AJAP1: variants seen among roughly 807,000 people sequenced by gnomAD.
AJAP1 encodes the protein adherens junctions associated protein 1, also known as adherens junction-associated protein 1.
Under a neutral mutation model 35.0 loss-of-function variants are expected in AJAP1, and 5 were observed. The observed-to-expected ratio is 0.14, with a 90% CI of 0.07 to 0.30. The LOEUF is 0.30. Among genes scored for constraint, AJAP1 ranks in the 10% least tolerant of loss-of-function variants. The pLI is 1.00. For synonymous variants in AJAP1, 284 were observed against 249.3 expected (o/e 1.14, Z -1.31); for missense variants, 586 against 571.0 (o/e 1.03, Z -0.27).
chr1:4,733,715 G>T (rs575928014), intron 2 of AJAP1, among the ~76,000 whole-genome samples: 5 of 151,826 alleles, frequency 3.3e-5, no homozygotes, highest in Non-Finnish European at 5.9e-5. Context: ...CTCTGACCTG[G>T]TCCAGGACAG....
In AJAP1 at chr1:4,692,762, C is replaced by G. The variant is rs1639773261; in HGVS notation, c.30-19138C>G. ...GCACTCTGCTGTCCTCCCTCCAGGT[C>G]TTGTCAGCTGAAATGCCTGTTCCCT... is the stretch of plus-strand genomic sequence containing the variant. On this transcript the variant is annotated intron_variant, in intron 1 of 5. Transcript: ENST00000378191. This position sits in a 1 kb window ranked among gnomAD's most constrained non-coding sequence, Gnocchi z 4.4. Among the ~76,000 whole-genome samples the G allele has an allele frequency of 6.6e-6, 1 of 152,208 alleles. No individual in the cohort carries two copies. Among genetic ancestry groups the G allele is most frequent in the Non-Finnish European group, 1.5e-5 (1 of 68,044 alleles).
intron 2 of AJAP1, among the ~76,000 whole-genome samples, chr1:4,752,543 T>A (rs976764022): frequency 6.6e-6 from 1 of 152,090 alleles, no homozygotes; most frequent in Non-Finnish European, 1.5e-5. Flanking sequence ...AATAGTAGTA[T>A]CATATTATGG....
At chr1:4,722,022 G>A (rs1174047008) in intron 2 of AJAP1, among the ~76,000 whole-genome samples, 1 of 152,180 alleles carries the variant, frequency 6.6e-6, no homozygotes, top group Non-Finnish European at 1.5e-5. Context: ...TCAAAGGCTG[G>A]CCTCTGCATA....
intron 2 of AJAP1, among the ~76,000 whole-genome samples, chr1:4,748,116 T>C (rs1182842043): frequency 6.6e-6 from 1 of 151,672 alleles, no homozygotes; most frequent in Non-Finnish European, 1.5e-5. Flanking sequence ...AACCTGGCCA[T>C]CCCCTCACCT....
At chr1:4,686,070 G>C (rs1286729785) in intron 1 of AJAP1, among the ~76,000 whole-genome samples, 1 of 152,206 alleles carries the variant, frequency 6.6e-6, no homozygotes, top group Non-Finnish European at 1.5e-5. Context: ...CGGAGGTTTT[G>C]CCTGTGTATC....
rs2100384534 is a variant in AJAP1, at chr1:4,787,807, GC to G, written c.*5324del. On this transcript the variant is annotated 3_prime_UTR_variant, in exon 6 of 6. Transcript: ENST00000378191. ...CACGGGGCACGGGCACCTTGGGGAT[GC>G]CATTCTTCTTGGTGCCAGAAGGCAG... The G allele has an allele frequency of 2.2e-6, 1 of 453,448 alleles. No individual in the cohort carries two copies. The highest frequency in any genetic ancestry group is 2.4e-5 in the Admixed American group (1 of 42,410). 28.1% of individuals were successfully genotyped at this position (453,448 alleles called of 1,614,324 possible). A position where few individuals can be genotyped will look rare whatever the true frequency, so the allele number is the denominator to read the frequency against.
At chr1:4,685,899 G>A (rs1639593603) in intron 1 of AJAP1, among the ~76,000 whole-genome samples, 1 of 152,242 alleles carries the variant, frequency 6.6e-6, no homozygotes, top group South Asian at 2.1e-4. Context: ...GCAGCCCATT[G>A]TCAGGATTGG....
intron 1 of AJAP1, among the ~76,000 whole-genome samples, chr1:4,705,928 C>G (rs1226938910): frequency 6.6e-6 from 1 of 152,134 alleles, no homozygotes; most frequent in East Asian, 1.9e-4. Context: ...GGTTATGCAC[C>G]ATGACGCTGT....
intron 2 of AJAP1, among the ~76,000 whole-genome samples, chr1:4,744,396 C>A (rs113298349): frequency 3.3e-5 from 5 of 152,282 alleles, no homozygotes; most frequent in African/African-American, 1.2e-4. Flanking sequence ...ATCAGCAGAG[C>A]AATTATTAAA....
rs374389984 is a variant in AJAP1 at position 4,656,504 on chromosome 1, A to G, written c.29+1050A>G. 1.3e-5 allele frequency among the ~76,000 whole-genome samples: 2 copies of G among 152,202 alleles called. No individual in the cohort carries two copies. Among genetic ancestry groups the G allele is most frequent in the African/African-American group, 4.8e-5 (2 of 41,462 alleles). ...CTCCCGCGTTGGGGACGAAAAGGCC[A>G]GTAGTTGTTAGCCCGCTGCTTGAGC... On this transcript the variant is annotated intron_variant, in intron 1 of 5. Transcript: ENST00000378191. This position sits in a 1 kb window ranked among gnomAD's most constrained non-coding sequence, Gnocchi z 5.7.
At chr1:4,709,462 G>A (rs1263836600) in intron 1 of AJAP1, among the ~76,000 whole-genome samples, 3 of 151,874 alleles carry the variant, frequency 2.0e-5, no homozygotes, top group Non-Finnish European at 2.9e-5. Context: ...GCAGAGTCTG[G>A]TGAGGCCTGG....
intron 2 of AJAP1, among the ~76,000 whole-genome samples, chr1:4,727,790 G>A (rs1640700733): frequency 1.3e-5 from 2 of 152,222 alleles, no homozygotes; most frequent in Admixed American, 1.3e-4. Context: ...GGCCCATGTA[G>A]TGGGGGCTAG....
chr1:4,743,002 G>A (rs1400080216), intron 2 of AJAP1, among the ~76,000 whole-genome samples: 2 of 152,162 alleles, frequency 1.3e-5, no homozygotes, highest in African/African-American at 4.8e-5. Flanking sequence ...AGCATGTTCT[G>A]GAGAATACCC....
chr1:4,684,591 T>G (rs1460124473), intron 1 of AJAP1, among the ~76,000 whole-genome samples: 2 of 152,146 alleles, frequency 1.3e-5, no homozygotes, highest in East Asian at 3.9e-4. Flanking sequence ...CCATGGCCTT[T>G]CCTGGGTAGA....
At chr1:4,777,444 C>T (rs1217930772) in intron 5 of AJAP1, 1 of 152,196 alleles carries the variant, frequency 6.6e-6, no homozygotes, top group Admixed American at 6.5e-5. Context: ...GATGTGCACC[C>T]CAGATTCAGC....
In AJAP1 at chr1:4,791,446, A is replaced by G. The variant is rs1279772371; in HGVS notation, c.*8961A>G. ...TAATTCTGTAGAAACTGTTCACGAA[A>G]GGCTGAATGAGTGGGGACAAGTCAC... On this transcript the variant is annotated 3_prime_UTR_variant, in exon 6 of 6. Transcript: ENST00000378191. 4.6e-5 allele frequency: 7 copies of G among 152,248 alleles called. No homozygotes were observed. The highest frequency in any genetic ancestry group is 1.7e-4 in the African/African-American group (7 of 41,472). The allele number at this position is 152,248 out of a possible 1,614,324, so 9.4% of individuals were successfully genotyped here.
At chr1:4,764,953 A>G (rs1641647849) in intron 2 of AJAP1, among the ~76,000 whole-genome samples, 1 of 152,220 alleles carries the variant, frequency 6.6e-6, no homozygotes, top group African/African-American at 2.4e-5. Flanking sequence ...TCTTATTACA[A>G]ACCACCACAA....
Position 4,680,669 on chromosome 1 carries a change from G to A in AJAP1, c.29+25215G>A, listed in dbSNP as rs573063800. Among the ~76,000 whole-genome samples the A allele has an allele frequency of 2.3e-4, 35 of 152,336 alleles. 1 individual carries two copies. The South Asian group carries it at 7.1e-3, about 31-fold the overall frequency. On this transcript the variant is annotated intron_variant, in intron 1 of 5. Transcript: ENST00000378191. The stretch of plus-strand genomic sequence containing the variant: ...AGCCACCCTTGAGTCTGGTACATAT[G>A]CTGGGCATAAATGACTTCCCAGAAA...
intron 1 of AJAP1, among the ~76,000 whole-genome samples, chr1:4,689,440 C>T (rs537715182): frequency 1.7e-3 from 256 of 152,252 alleles, no homozygotes; most frequent in Admixed American, 2.9e-3. Flanking sequence ...CCCAGGAAGG[C>T]GGAGGCGGGG....
Sources: gnomAD v4.1 joint callset for allele counts (sites outside exome capture counted in the v4.1 genomes callset) on GRCh38, gnomAD v4.1.1 for gene constraint, Gnocchi (gnomAD v3.1) non-coding constraint, MANE v1.5 for transcripts, NCBI Gene and HGNC (gene_info 2026-07-23, HGNC 2026-07-21) for gene names.